The following RSRC1 variants were observed in gnomAD, a reference collection of about 807,000 sequenced individuals.
RSRC1 encodes arginine and serine rich coiled-coil 1, also known as serine/Arginine-related protein 53.
Under a neutral mutation model 49.1 loss-of-function variants are expected in RSRC1, and 39 were observed. The observed-to-expected ratio is 0.79, with a 90% CI of 0.61 to 1.04. The LOEUF (loss-of-function observed/expected upper bound fraction) is 1.04, where lower values mean the gene tolerates loss of function less well. RSRC1 is among the 50% of genes least tolerant of loss of function. The probability of loss-of-function intolerance (pLI) is 0.00; values close to 1 mark genes in which losing one functional copy is unlikely to be tolerated. For missense variants in RSRC1, 388 were observed against 402.4 expected, an observed-to-expected ratio of 0.96 and a Z score of 0.31; for synonymous variants, 143 against 130.8, an observed-to-expected ratio of 1.09 and a Z score of -0.63.
chr3:158,175,198 G>T (rs73874316), intron 3 of RSRC1, among the ~76,000 whole-genome samples: 73 of 150,728 alleles, frequency 4.8e-4, no homozygotes, highest in African/African-American at 1.7e-3. Flanking sequence ...GTTTTTAAGG[G>T]TTTTTTTTCA....
intron 4 of RSRC1, among the ~76,000 whole-genome samples, chr3:158,285,271 G>A (rs1383275730): frequency 2.6e-5 from 4 of 152,184 alleles, no homozygotes; most frequent in Non-Finnish European, 5.9e-5. Context: ...TTTGGTAGCA[G>A]TACCATGCTG....
intron 6 of RSRC1, among the ~76,000 whole-genome samples, chr3:158,374,516 T>C (rs1732247792): frequency 6.6e-6 from 1 of 152,188 alleles, no homozygotes; most frequent in Non-Finnish European, 1.5e-5. Flanking sequence ...ATTTTTCCTT[T>C]AGAGCAAACC....
intron 4 of RSRC1, among the ~76,000 whole-genome samples, chr3:158,272,294 A>G (rs1385961094): frequency 6.6e-6 from 1 of 152,126 alleles, no homozygotes; most frequent in Non-Finnish European, 1.5e-5. Context: ...TGAAGGCAGG[A>G]TTGAAAGTGA....
chr3:158,169,189 GA>G (rs1718714944), intron 3 of RSRC1, among the ~76,000 whole-genome samples: 1 of 152,152 alleles, frequency 6.6e-6, no homozygotes, highest in African/African-American at 2.4e-5. Flanking sequence ...TATGTACAGT[GA>G]GAGTTTTTGT....
intron 5 of RSRC1, among the ~76,000 whole-genome samples, chr3:158,314,357 T>C (rs1338736549): frequency 1.3e-5 from 2 of 151,854 alleles, no homozygotes; most frequent in African/African-American, 4.8e-5. Context: ...CCTCCCAGAG[T>C]GCTGGGATTA....
intron 6 of RSRC1, among the ~76,000 whole-genome samples, chr3:158,416,731 A>G (rs1734755492): frequency 6.6e-6 from 1 of 152,098 alleles, no homozygotes; most frequent in Non-Finnish European, 1.5e-5. Context: ...TATTTCAAGC[A>G]TAAGTTTGGG....
chr3:158,142,768 C>A (rs554771418), intron 3 of RSRC1, among the ~76,000 whole-genome samples: 8 of 100,802 alleles, frequency 7.9e-5, no homozygotes, highest in Admixed American at 3.2e-4. Context: ...CATACACCTC[C>A]CACCAGGGTC....
intron 3 of RSRC1, among the ~76,000 whole-genome samples, chr3:158,141,823 C>T (rs1338684236): frequency 1.3e-5 from 2 of 152,124 alleles, no homozygotes; most frequent in Admixed American, 6.6e-5. Context: ...CTCGGCCAGG[C>T]GTGGTGGCTC....
At chr3:158,507,586 G>T (rs968848372) in intron 7 of RSRC1, among the ~76,000 whole-genome samples, 4 of 151,970 alleles carry the variant, frequency 2.6e-5, no homozygotes, top group African/African-American at 9.7e-5. Context: ...ATGTTGTTCT[G>T]AAAAAAAGCC....
intron 6 of RSRC1, among the ~76,000 whole-genome samples, chr3:158,455,400 T>C (rs1357526387): frequency 6.6e-6 from 1 of 152,124 alleles, no homozygotes; most frequent in Non-Finnish European, 1.5e-5. Context: ...TTCCAATTCT[T>C]GATTTGATGA....
intron 2 of RSRC1, among the ~76,000 whole-genome samples, chr3:158,123,106 G>A: frequency 6.6e-6 from 1 of 152,112 alleles, no homozygotes; most frequent in Non-Finnish European, 1.5e-5. Flanking sequence ...CTGCCTCCCA[G>A]GTTCAAGCAG....
At chr3:158,155,572 C>T (rs1402251213) in intron 3 of RSRC1, among the ~76,000 whole-genome samples, 2 of 150,456 alleles carry the variant, frequency 1.3e-5, no homozygotes, top group South Asian at 4.2e-4. Flanking sequence ...GGTGGGACTA[C>T]AGGAATGCAC....
chr3:158,329,775 G>A (rs1316428871), intron 5 of RSRC1, among the ~76,000 whole-genome samples: 3 of 152,200 alleles, frequency 2.0e-5, no homozygotes, highest in Admixed American at 6.5e-5. Flanking sequence ...AGACAGGGAC[G>A]TTTAACTCTG....
intron 7 of RSRC1, among the ~76,000 whole-genome samples, chr3:158,492,881 T>C (rs1187289675): frequency 1.3e-5 from 2 of 152,106 alleles, no homozygotes; most frequent in African/African-American, 4.8e-5. Context: ...CAGACAACCT[T>C]TGCCAGAAGA....
chr3:158,421,470 T>A (rs1284322819), intron 6 of RSRC1, among the ~76,000 whole-genome samples: 1 of 151,832 alleles, frequency 6.6e-6, no homozygotes. Context: ...GCTAGTAAGA[T>A]CATTGCAGTA....
intron 4 of RSRC1, among the ~76,000 whole-genome samples, chr3:158,219,250 A>G (rs990900325): frequency 6.6e-6 from 1 of 151,620 alleles, no homozygotes; most frequent in African/African-American, 2.4e-5. Context: ...CCTTCTGGAA[A>G]CAAGGTGACA....
At chr3:158,228,799 G>A (rs1722669963) in intron 4 of RSRC1, among the ~76,000 whole-genome samples, 1 of 151,284 alleles carries the variant, frequency 6.6e-6, no homozygotes, top group Non-Finnish European at 1.5e-5. Flanking sequence ...ATATATGTGT[G>A]TATATATGTC....
chr3:158,299,451 A>G, intron 5 of RSRC1, among the ~76,000 whole-genome samples: 1 of 151,852 alleles, frequency 6.6e-6, no homozygotes, highest in East Asian at 1.9e-4. Context: ...CTTCTGCCTC[A>G]GCCTCCCAGT....
intron 6 of RSRC1, among the ~76,000 whole-genome samples, chr3:158,410,750 A>G (rs1734419898): frequency 6.6e-6 from 1 of 152,134 alleles, no homozygotes; most frequent in Non-Finnish European, 1.5e-5. Flanking sequence ...ATGCTTTGTA[A>G]TATGAACTAT....
Sources: gnomAD v4.1 joint callset for allele counts (sites outside exome capture counted in the v4.1 genomes callset) on GRCh38, gnomAD v4.1.1 for gene constraint, MANE v1.5 for transcripts, NCBI Gene and HGNC (gene_info 2026-07-23, HGNC 2026-07-21) for gene names.